The following DMTN variants were observed in gnomAD, a reference collection of about 807,000 sequenced individuals.
The protein encoded by DMTN is dematin.
DMTN carries 27 observed loss-of-function variants against 59.4 expected under a neutral mutation model. The observed-to-expected ratio is 0.45, with a 90% confidence interval of 0.33 to 0.63. DMTN has a LOEUF of 0.63. Ranked by LOEUF, DMTN falls within the 20% of genes least tolerant of loss-of-function variation. The pLI is 0.02. For synonymous variants in DMTN, 221 were observed against 203.7 expected (o/e 1.08, Z -0.72); for missense variants, 451 against 528.9 (o/e 0.85, Z 1.45).
chr8:22,080,914 TG>T, intron 14 of DMTN, 44 bp downstream of exon 14: 1 of 1,530,438 alleles, frequency 6.5e-7, no homozygotes. Flanking sequence ...GGCGGGAGGC[TG>T]GGGAGATGCC....
Position 22,067,099 on chromosome 8 carries a change from C to G in DMTN, c.33C>G (p.Ser11=). The G allele has an allele frequency of 1.9e-6, 3 of 1,606,924 alleles. No individual in the cohort carries two copies. Among genetic ancestry groups the G allele is most frequent in the Non-Finnish European group, 1.7e-6 (2 of 1,177,200 alleles). ...GCTCTCCCCAGCAACCACTTACCTC[C>G]CCCGGGAGCGTGAGCCCCTCCCGAG... MERLQKQPLT[S]PGSVSPSRDS... Residue 11 remains serine (S), a synonymous_variant, in exon 3 of 16, where the codon TCC becomes TCG. Coordinates refer to ENST00000358242, the MANE Select transcript of DMTN (RefSeq NM_001387751.1).
upstream of DMTN, among the ~76,000 whole-genome samples, chr8:22,054,606 C>G (rs1169162146): frequency 6.6e-6 from 1 of 152,198 alleles, no homozygotes; most frequent in Non-Finnish European, 1.5e-5. Flanking sequence ...GGGACTCTCC[C>G]CAGTGCTGCA....
intron 10 of DMTN, among the ~76,000 whole-genome samples, chr8:22,075,857 A>G (rs955949456): frequency 2.6e-5 from 4 of 152,170 alleles, no homozygotes; most frequent in Admixed American, 1.3e-4. Flanking sequence ...ACAAGGTCTC[A>G]TTGCAGAAAG....
At chr8:22,052,754 C>T (rs984124223), upstream of DMTN, among the ~76,000 whole-genome samples, 24 of 152,048 alleles carry the variant, frequency 1.6e-4, no homozygotes, top group African/African-American at 2.7e-4. Context: ...TAATATGTAC[C>T]GAGCTCAGGA....
intron 7 of DMTN, 60 bp from the exon 8 acceptor site, chr8:22,070,122 A>AAGGT: frequency 6.4e-7 from 1 of 1,556,158 alleles, no homozygotes; most frequent in African/African-American, 1.4e-5. Context: ...GGGAGGGGTG[A>AAGGT]AGGTAGCCAA....
At chr8:22,065,855 T>A (rs1299104527) in intron 1 of DMTN, among the ~76,000 whole-genome samples, 1 of 74,800 alleles carries the variant, frequency 1.3e-5, no homozygotes, top group East Asian at 5.0e-4. Flanking sequence ...TTTTTTTTTT[T>A]AACGAGGCAG....
upstream of DMTN, among the ~76,000 whole-genome samples, chr8:22,051,078 C>T (rs1801306902): frequency 6.6e-6 from 1 of 152,194 alleles, no homozygotes; most frequent in Non-Finnish European, 1.5e-5. Flanking sequence ...CTGCTTGCCT[C>T]TGAGCGCCTG....
At chr8:22,061,237 C>T (rs941141450) in intron 1 of DMTN, among the ~76,000 whole-genome samples, 2 of 145,732 alleles carry the variant, frequency 1.4e-5, no homozygotes, top group Non-Finnish European at 3.0e-5. Context: ...GAGCTATGAT[C>T]ATGCCACAGT....
rs1384043502 is a variant in DMTN at position 22,058,172 on chromosome 8, C to T, written c.-172+1036C>T. Among the ~76,000 whole-genome samples, 2 of 152,046 alleles carry T rather than the reference C, an allele frequency of 1.3e-5. No individual in the cohort carries two copies. Among genetic ancestry groups the T allele is most frequent in the Non-Finnish European group, 2.9e-5 (2 of 68,002 alleles). On this transcript the variant is annotated intron_variant, in intron 1 of 15. Transcript: ENST00000358242. This position sits in a 1 kb window ranked among gnomAD's most constrained non-coding sequence, Gnocchi z 4.3. ...CATGCGTCCTGCAACGGTTTCAGCGCGGGCGCTTCTGCCTGTGCCCACCTG... is the reference window on the plus strand; with the variant it reads ...CATGCGTCCTGCAACGGTTTCAGCGTGGGCGCTTCTGCCTGTGCCCACCTG...
Position 22,069,869 on chromosome 8 carries a change from T to G in DMTN, c.395-12T>G. 2 of 1,613,944 alleles carry G rather than the reference T, an allele frequency of 1.2e-6. No homozygotes were observed. Among genetic ancestry groups the G allele is most frequent in the Non-Finnish European group, 1.7e-6 (2 of 1,179,862 alleles). On this transcript the variant is annotated splice_polypyrimidine_tract_variant and intron_variant, in intron 6 of 15. Transcript: ENST00000358242. ...AGCATGTCCTCCTCCTCATCTGTTC[T>G]TCCTCCCACAGAGACCTCCCGCCCA...
chr8:22,070,117 G>C (rs1814160446), intron 7 of DMTN, 65 bp from the exon 8 acceptor site: 2 of 1,554,660 alleles, frequency 1.3e-6, no homozygotes, highest in Non-Finnish European at 1.7e-6. Flanking sequence ...GAGGGGGGAG[G>C]GGTGAAGGTA....
chr8:22,081,553 A>G lies in DMTN; in HGVS notation c.*90A>G. 8.6e-7 allele frequency: 1 copy of G among 1,161,616 alleles called. No homozygotes were observed. Among genetic ancestry groups the G allele is most frequent in the East Asian group, 2.4e-5 (1 of 42,324 alleles). 72.0% of individuals were successfully genotyped at this position (1,161,616 alleles called of 1,614,324 possible). The stretch of plus-strand genomic sequence containing the variant: ...TTGGGAGGGGCAGGAGGTGGGGTGG[A>G]AATAGGGTGGGCTCCTTTCCTCAGG... On this transcript the variant is annotated 3_prime_UTR_variant, in exon 16 of 16. Coordinates refer to ENST00000358242, the MANE Select transcript of DMTN (RefSeq NM_001387751.1).
At chr8:22,080,482 C>G (rs769053398) in intron 12 of DMTN, 22 bp downstream of exon 12, 3 of 1,614,168 alleles carry the variant, frequency 1.9e-6, no homozygotes, top group Non-Finnish European at 1.7e-6. Flanking sequence ...GGCCTGGTGC[C>G]GGGGTCTGGA....
Position 22,056,870 on chromosome 8 carries a change from G to A in DMTN, c.-438G>A, listed in dbSNP as rs1288742977. 6.8e-6 allele frequency: 1 copy of A among 146,716 alleles called. No individual in the cohort carries two copies. Among genetic ancestry groups the A allele is most frequent in the Non-Finnish European group, 1.5e-5 (1 of 66,814 alleles). 9.1% of individuals were successfully genotyped at this position (146,716 alleles called of 1,614,324 possible). On this transcript the variant is annotated 5_prime_UTR_variant, in exon 1 of 16. Coordinates refer to ENST00000358242, the MANE Select transcript of DMTN (RefSeq NM_001387751.1). ...GGCGGCCGTGCGTTGCAGAGAAGCAGGGTGGGGGCAAGGAGGGTGGGGGCC... is the reference window on the plus strand; with the variant it reads ...GGCGGCCGTGCGTTGCAGAGAAGCAAGGTGGGGGCAAGGAGGGTGGGGGCC...
intron 1 of DMTN, among the ~76,000 whole-genome samples, chr8:22,062,445 G>A (rs1262221181): frequency 6.6e-6 from 1 of 152,086 alleles, no homozygotes; most frequent in Non-Finnish European, 1.5e-5. Flanking sequence ...CTTGTACTTG[G>A]CTGTGAACTT....
rs376131980 is a variant in DMTN at position 22,076,992 on chromosome 8, G to A, written c.835+3157G>A. On this transcript the variant is annotated intron_variant, in intron 10 of 15. Coordinates refer to ENST00000358242, the MANE Select transcript of DMTN (RefSeq NM_001387751.1). ...AACTGCCGTGGAGGGGAGGAGAAACGTGCGAGGCTTGGCCTTTGTAGTGAT... is the reference window on the plus strand; with the variant it reads ...AACTGCCGTGGAGGGGAGGAGAAACATGCGAGGCTTGGCCTTTGTAGTGAT... Among the ~76,000 whole-genome samples the A allele has an allele frequency of 2.9e-3, 436 of 152,260 alleles. 16 individuals are homozygous for A. The South Asian group carries it at 0.087, about 30-fold the overall frequency.
In DMTN at chr8:22,060,413, G is replaced by GCT. The variant is rs3063991; in HGVS notation, c.-172+3295_-172+3296dup. On this transcript the variant is annotated intron_variant, in intron 1 of 15. Coordinates refer to ENST00000358242, the MANE Select transcript of DMTN (RefSeq NM_001387751.1). This position sits in a 1 kb window ranked among gnomAD's most constrained non-coding sequence, Gnocchi z 5.0. ...CTCTCTCTTTCTCTCTTTCTGTCTC[G>GCT]CTCTCTCTCTCTCTCTCTCCCCCTC... Among the ~76,000 whole-genome samples, 11,721 of 147,452 alleles carry GCT rather than the reference G, an allele frequency of 0.079. 566 individuals carry two copies. Among genetic ancestry groups the GCT allele is most frequent in the African/African-American group, 0.14 (5,666 of 39,594 alleles).
In DMTN at chr8:22,075,869, A is replaced by G. The variant is rs368943784; in HGVS notation, c.835+2034A>G. 3.0e-4 allele frequency among the ~76,000 whole-genome samples: 46 copies of G among 152,312 alleles called. No homozygotes were observed. The East Asian group carries it at 6.8e-3, about 22-fold the overall frequency. Reference sequence around the variant, plus strand: ...ACCACAAGGTCTCATTGCAGAAAGCATGAAAGATGGGAGGCAACAGTGCAG... The same window carrying G: ...ACCACAAGGTCTCATTGCAGAAAGCGTGAAAGATGGGAGGCAACAGTGCAG... On this transcript the variant is annotated intron_variant, in intron 10 of 15. Coordinates refer to ENST00000358242, the MANE Select transcript of DMTN (RefSeq NM_001387751.1).
At chr8:22,050,685 G>C (rs1238469000), upstream of DMTN, among the ~76,000 whole-genome samples, 1 of 152,172 alleles carries the variant, frequency 6.6e-6, no homozygotes, top group Non-Finnish European at 1.5e-5. Flanking sequence ...CCAGAGGCCT[G>C]TGCTGTCCCA....
Sources: gnomAD v4.1 joint callset for allele counts (sites outside exome capture counted in the v4.1 genomes callset) on GRCh38, gnomAD v4.1.1 for gene constraint, Gnocchi (gnomAD v3.1) non-coding constraint, MANE v1.5 for transcripts, NCBI Gene and HGNC (gene_info 2026-07-23, HGNC 2026-07-21) for gene names.